The following NAA30 variants were observed in gnomAD, a reference collection of about 807,000 sequenced individuals.
NAA30 encodes the protein N-alpha-acetyltransferase 30, NatC catalytic subunit, also known as N-alpha-acetyltransferase 30.
In NAA30, 5 loss-of-function variants were observed where a neutral mutation model predicts 31.4. The observed-to-expected ratio is 0.16, with a 90% CI of 0.08 to 0.33. The LOEUF (loss-of-function observed/expected upper bound fraction) is 0.33, where lower values mean the gene tolerates loss of function less well. Ranked by LOEUF, NAA30 falls within the 10% of genes least tolerant of loss-of-function variation. The probability of loss-of-function intolerance (pLI) is 1.00; values close to 1 mark genes in which losing one functional copy is unlikely to be tolerated. For synonymous variants in NAA30, 222 were observed against 207.1 expected, an observed-to-expected ratio of 1.07 and a Z score of -0.62; for missense variants, 428 against 490.8, an observed-to-expected ratio of 0.87 and a Z score of 1.21.
chr14:57,415,340 A>C lies in NAA30; in HGVS notation c.*5824A>C, dbSNP rs931757111. On this transcript the variant is annotated 3_prime_UTR_variant, in exon 5 of 5. Transcript: ENST00000556492. ...CCGTCACTTGTTCATTTACAACTGC[A>C]AAGATTGTATGTCTCCTATGTTTTC... 1 of 152,234 alleles carries C rather than the reference A, an allele frequency of 6.6e-6. No homozygotes were observed. The highest frequency in any genetic ancestry group is 2.4e-5 in the African/African-American group (1 of 41,470). 9.4% of individuals were successfully genotyped at this position (152,234 alleles called of 1,614,324 possible).
rs2066423462 is a variant in NAA30 at position 57,390,873 on chromosome 14, G to T, written c.-1-84G>T. On this transcript the variant is annotated intron_variant, in intron 1 of 4. Coordinates refer to ENST00000556492, the MANE Select transcript of NAA30 (RefSeq NM_001011713.3). Reference sequence around the variant, plus strand: ...TTCTGCCTTTGTTCCCCCCACCTCGGCCGCCCCCCATCCGTCGCCCCCTGT... The same window carrying T: ...TTCTGCCTTTGTTCCCCCCACCTCGTCCGCCCCCCATCCGTCGCCCCCTGT... 7.9e-6 allele frequency: 11 copies of T among 1,397,412 alleles called. No homozygotes were observed. The South Asian group carries it at 1.8e-4, about 22-fold the overall frequency. 86.6% of individuals were successfully genotyped at this position (1,397,412 alleles called of 1,614,324 possible).
intron 2 of NAA30, among the ~76,000 whole-genome samples, chr14:57,392,723 T>C (rs1487632926): frequency 6.6e-6 from 1 of 152,232 alleles, no homozygotes; most frequent in African/African-American, 2.4e-5. Flanking sequence ...TTTTTTAATA[T>C]GTGAAGGGAA....
intron 2 of NAA30, among the ~76,000 whole-genome samples, chr14:57,395,854 C>T (rs927636499): frequency 6.6e-6 from 1 of 152,066 alleles, no homozygotes; most frequent in South Asian, 2.1e-4. Context: ...CTAAGCAATA[C>T]CTTATAAACT....
chr14:57,403,058 A>G (rs2066483466), intron 4 of NAA30, among the ~76,000 whole-genome samples: 2 of 152,130 alleles, frequency 1.3e-5, no homozygotes, highest in African/African-American at 2.4e-5. Context: ...CCACACGCCT[A>G]TAGTCCCAGC....
intron 3 of NAA30, among the ~76,000 whole-genome samples, chr14:57,399,474 G>GTCATAT (rs2066464578): frequency 6.6e-6 from 1 of 152,172 alleles, no homozygotes; most frequent in Non-Finnish European, 1.5e-5. Context: ...GCCAACTCAC[G>GTCATAT]GGGAGTTCCT....
chr14:57,401,268 A>C (rs1413816711), intron 4 of NAA30, among the ~76,000 whole-genome samples: 3 of 152,312 alleles, frequency 2.0e-5, no homozygotes, highest in Admixed American at 6.5e-5. Context: ...CTATTCTGAC[A>C]GATCCATTCT....
chr14:57,409,061 C>T (rs1473850827), intron 4 of NAA30, among the ~76,000 whole-genome samples: 1 of 152,048 alleles, frequency 6.6e-6, no homozygotes, highest in Non-Finnish European at 1.5e-5. Context: ...ATTTTATTTT[C>T]ATCTGTAGTC....
chr14:57,402,605 G>C (rs776248616), intron 4 of NAA30, among the ~76,000 whole-genome samples: 1 of 152,044 alleles, frequency 6.6e-6, no homozygotes, highest in African/African-American at 2.4e-5. Context: ...TTAAAAAAAG[G>C]CATCTTTAGG....
rs563942507 is a variant in NAA30, at chr14:57,399,043, A to G, written c.896-785A>G. Among the ~76,000 whole-genome samples, 38 of 152,052 alleles carry G rather than the reference A, an allele frequency of 2.5e-4. 1 individual carries two copies. In the South Asian group the frequency reaches 6.0e-3, roughly 24 times the overall value. On this transcript the variant is annotated intron_variant, in intron 3 of 4. Transcript: ENST00000556492. ...CGCCTGGCCAATTTTTTGTATTTTT[A>G]ATAGAGACGGGGTTTCACCATGTTG...
rs1229051796 is a variant in NAA30 at position 57,391,171 on chromosome 14, C to T, written c.214C>T (p.Leu72Phe). The T allele has an allele frequency of 4.4e-6, 7 of 1,608,696 alleles. No individual in the cohort carries two copies. Among genetic ancestry groups the T allele is most frequent in the Non-Finnish European group, 5.9e-6 (7 of 1,179,012 alleles). ...GGTGGCGGCCAAGGGGCATCCGTGC[C>T]TCCGCTGCCCTCAGCCGCCGCAGGA... ...ATVAAKGHPC[L>F]RCPQPPQEQQ... The change falls in exon 2 of 5, where the codon CTC (leucine) becomes TTC (phenylalanine). Residue 72 changes from leucine (L) to phenylalanine (F), a missense_variant. Coordinates refer to ENST00000556492, the MANE Select transcript of NAA30 (RefSeq NM_001011713.3). The surrounding 1 kb of genome is among the most constrained non-coding windows in gnomAD (Gnocchi z 4.1).
Position 57,409,826 on chromosome 14 carries a change from G to A in NAA30, c.*310G>A, listed in dbSNP as rs999521669. 9.0e-6 allele frequency: 2 copies of A among 223,372 alleles called. No homozygotes were observed. 13.8% of individuals were successfully genotyped at this position (223,372 alleles called of 1,614,324 possible). A position where few individuals can be genotyped will look rare whatever the true frequency, so the allele number is the denominator to read the frequency against. ...TTTACACAGTGATCATTTTATCACAGAACCAGTAAGTGGAACATAATTTTT... is the reference window on the plus strand; with the variant it reads ...TTTACACAGTGATCATTTTATCACAAAACCAGTAAGTGGAACATAATTTTT... On this transcript the variant is annotated 3_prime_UTR_variant, in exon 5 of 5. Coordinates refer to ENST00000556492, the MANE Select transcript of NAA30 (RefSeq NM_001011713.3).
chr14:57,399,074 G>A (rs2066463069), intron 3 of NAA30, among the ~76,000 whole-genome samples: 1 of 151,954 alleles, frequency 6.6e-6, no homozygotes, highest in Admixed American at 6.6e-5. Flanking sequence ...TGTTGGCCAG[G>A]CTGGTCTTGA....
rs1468177275 is a variant in NAA30, at chr14:57,411,522, G to A, written c.*2006G>A. 1 of 152,162 alleles carries A rather than the reference G, an allele frequency of 6.6e-6. No individual in the cohort carries two copies. The highest frequency in any genetic ancestry group is 1.9e-4 in the East Asian group (1 of 5,202). 9.4% of individuals were successfully genotyped at this position (152,162 alleles called of 1,614,324 possible). ...GCTTAAATCACTAATAGGGATGGTTGTAAAGTAGATAGATCATTGGTTCAA... is the reference window on the plus strand; with the variant it reads ...GCTTAAATCACTAATAGGGATGGTTATAAAGTAGATAGATCATTGGTTCAA... On this transcript the variant is annotated 3_prime_UTR_variant, in exon 5 of 5. Coordinates refer to ENST00000556492, the MANE Select transcript of NAA30 (RefSeq NM_001011713.3).
intron 4 of NAA30, among the ~76,000 whole-genome samples, chr14:57,403,503 A>G (rs1019013064): frequency 1.3e-5 from 2 of 152,214 alleles, no homozygotes; most frequent in African/African-American, 4.8e-5. Context: ...AAGTTTCCCA[A>G]CTTTTCATAT....
intron 2 of NAA30, among the ~76,000 whole-genome samples, chr14:57,392,330 G>A (rs1191304639): frequency 6.6e-6 from 1 of 152,048 alleles, no homozygotes; most frequent in Non-Finnish European, 1.5e-5. Context: ...CACTTCTGGT[G>A]GCTGAAAGAC....
At chr14:57,406,428 G>GGT (rs1241830992) in intron 4 of NAA30, among the ~76,000 whole-genome samples, 1 of 152,164 alleles carries the variant, frequency 6.6e-6, no homozygotes, top group Admixed American at 6.5e-5. Flanking sequence ...ATGAGGGGGA[G>GGT]GTACAGTAGA....
chr14:57,398,393 CTTTG>C (rs879524838), intron 3 of NAA30, among the ~76,000 whole-genome samples: 8 of 152,128 alleles, frequency 5.3e-5, no homozygotes, highest in East Asian at 1.9e-4. Flanking sequence ...TTCAGACATA[CTTTG>C]TTTGGGCCAT....
At chr14:57,396,703 C>T (rs776991990) in intron 2 of NAA30, 49 bp from the exon 3 acceptor site, 2 of 1,603,670 alleles carry the variant, frequency 1.2e-6, no homozygotes, top group South Asian at 1.1e-5. Context: ...GATAATTGTG[C>T]AGTACCTGAT....
At chr14:57,399,972 T>A in intron 4 of NAA30, 89 bp downstream of exon 4, 1 of 669,108 alleles carries the variant, frequency 1.5e-6, no homozygotes, top group Non-Finnish European at 2.6e-6. Context: ...TATTGCAGAT[T>A]TCATTGCAGT....
Sources: allele counts gnomAD v4.1 joint callset (sites outside exome capture counted in the v4.1 genomes callset), GRCh38; gene constraint gnomAD v4.1.1; non-coding constraint Gnocchi (gnomAD v3.1); transcripts MANE v1.5; gene names NCBI Gene and HGNC (gene_info 2026-07-23, HGNC 2026-07-21).